The following N4BP2 variants were observed in gnomAD, a reference collection of about 807,000 sequenced individuals.
N4BP2 encodes the protein NEDD4-binding protein 2.
Under a neutral mutation model 152.8 loss-of-function variants are expected in N4BP2, and 91 were observed. That is an observed-to-expected ratio of 0.60 (90% confidence interval 0.50 to 0.71). The LOEUF is 0.71. Ranked by LOEUF, N4BP2 falls within the 30% of genes least tolerant of loss-of-function variation. The probability of loss-of-function intolerance (pLI) is 0.00; values close to 1 mark genes in which losing one functional copy is unlikely to be tolerated. For synonymous variants in N4BP2, 646 were observed against 705.3 expected, an observed-to-expected ratio of 0.92 and a Z score of 1.33; for missense variants, 1,923 against 2,059.1, an observed-to-expected ratio of 0.93 and a Z score of 1.28.
intron 2 of N4BP2, among the ~76,000 whole-genome samples, chr4:40,078,541 T>C (rs1713019122): frequency 6.6e-6 from 1 of 151,838 alleles, no homozygotes; most frequent in Admixed American, 6.6e-5. Flanking sequence ...CTTTTTTTCT[T>C]TGAGTCAGGG....
At chr4:40,074,442 C>G (rs1033569714) in intron 2 of N4BP2, among the ~76,000 whole-genome samples, 6 of 151,838 alleles carry the variant, frequency 4.0e-5, no homozygotes, top group Non-Finnish European at 8.8e-5. Flanking sequence ...CTCCTTGGCT[C>G]AAGTGATCCG....
intron 16 of N4BP2, among the ~76,000 whole-genome samples, chr4:40,145,048 C>T (rs986891451): frequency 3.9e-5 from 6 of 152,086 alleles, no homozygotes; most frequent in South Asian, 2.1e-4. Context: ...GTGTAATCTG[C>T]GAATCCTCTC....
chr4:40,151,154 A>G (rs1721120104), intron 16 of N4BP2, among the ~76,000 whole-genome samples: 1 of 152,274 alleles, frequency 6.6e-6, no homozygotes, highest in South Asian at 2.1e-4. Flanking sequence ...GAATATTTTC[A>G]GAGCAATAAG....
chr4:40,081,240 A>G (rs760411951), intron 2 of N4BP2, among the ~76,000 whole-genome samples: 3 of 152,158 alleles, frequency 2.0e-5, no homozygotes, highest in East Asian at 3.8e-4. Flanking sequence ...CTATGATTCT[A>G]TTATCCAGAG....
intron 1 of N4BP2, among the ~76,000 whole-genome samples, chr4:40,066,320 CTTT>C (rs11384930): frequency 6.2e-5 from 8 of 129,062 alleles, no homozygotes; most frequent in South Asian, 2.5e-4. Flanking sequence ...GTGATTTTCC[CTTT>C]TTTTTTTTTT....
intron 1 of N4BP2, among the ~76,000 whole-genome samples, chr4:40,057,412 C>G (rs568675654): frequency 7.9e-5 from 12 of 152,372 alleles, no homozygotes; most frequent in Non-Finnish European, 1.2e-4. Context: ...ACCTTGCGCC[C>G]CTCCAGGCGC....
intron 2 of N4BP2, among the ~76,000 whole-genome samples, chr4:40,093,758 G>A (rs922733550): frequency 3.2e-4 from 49 of 151,934 alleles, no homozygotes; most frequent in African/African-American, 1.1e-3. Context: ...GCGTGCCAGC[G>A]CTCCTGGCTA....
chr4:40,080,358 T>A (rs908934719), intron 2 of N4BP2, among the ~76,000 whole-genome samples: 24 of 149,022 alleles, frequency 1.6e-4, no homozygotes, highest in Non-Finnish European at 7.4e-5. Flanking sequence ...ATATATAATT[T>A]TTTTTTTTTG....
chr4:40,124,595 C>A (rs373333208), intron 11 of N4BP2, among the ~76,000 whole-genome samples: 1 of 152,148 alleles, frequency 6.6e-6, no homozygotes, highest in South Asian at 2.1e-4. Context: ...GATCTGCCCA[C>A]CTTGGCCTCC....
chr4:40,134,919 C>CTT (rs1560630394), intron 13 of N4BP2, among the ~76,000 whole-genome samples: 10 of 93,156 alleles, frequency 1.1e-4, no homozygotes, highest in African/African-American at 2.3e-4. Flanking sequence ...CTCTCTCTCT[C>CTT]TCTTTCTTTC....
chr4:40,121,931 A>G lies in N4BP2; in HGVS notation c.3820A>G (p.Thr1274Ala), dbSNP rs1321293191. ...AGAAAAAAACCTAGTAGTCACAGAG[A>G]CTGGAGACAACATACATTCTCCTTC... ...ETEKNLVVTE[T>A]GDNIHSPSHF... Residue 1274 changes from threonine to alanine, a missense_variant, in exon 9 of 18, where the codon ACT becomes GCT. By Grantham distance (58) the Thr-to-Ala change is moderately conservative. Transcript: ENST00000261435. 6.3e-7 allele frequency: 1 copy of G among 1,584,736 alleles called. No individual in the cohort carries two copies. The highest frequency in any genetic ancestry group is 1.9e-5 in the Admixed American group (1 of 51,458).
rs1188927982 is a variant in N4BP2 at position 40,122,121 on chromosome 4, A to G, written c.4010A>G (p.Glu1337Gly). ...GAATTTATGAATGAAGATGAGAAGGAAATGAAGGAAATTCTAATGGCAGGA... is the reference window on the plus strand; with the variant it reads ...GAATTTATGAATGAAGATGAGAAGGGAATGAAGGAAATTCTAATGGCAGGA... ...EEEFMNEDEK[E>G]MKEILMAGSS... The change falls in exon 9 of 18, where the codon GAA (glutamate) becomes GGA (glycine). Residue 1337 changes from glutamate to glycine, a missense_variant. Coordinates refer to ENST00000261435, the MANE Select transcript of N4BP2 (RefSeq NM_018177.6). The G allele has an allele frequency of 6.3e-7, 1 of 1,598,560 alleles. No homozygotes were observed. Among genetic ancestry groups the G allele is most frequent in the Non-Finnish European group, 8.5e-7 (1 of 1,170,100 alleles).
chr4:40,170,768 T>C, the N4BP2 span, among the ~76,000 whole-genome samples: 2 of 152,250 alleles, frequency 1.3e-5, no homozygotes, highest in African/African-American at 2.4e-5. Context: ...TCATTTCCTG[T>C]TCAATAGCTC....
chr4:40,162,303 A>C (rs1579180413), downstream of N4BP2, among the ~76,000 whole-genome samples: 1 of 152,100 alleles, frequency 6.6e-6, no homozygotes, highest in African/African-American at 2.4e-5. Context: ...GGAGTTCAAA[A>C]CCAGCCTGGC....
chr4:40,093,354 C>G (rs1443070954), intron 2 of N4BP2, among the ~76,000 whole-genome samples: 1 of 152,072 alleles, frequency 6.6e-6, no homozygotes, highest in African/African-American at 2.4e-5. Context: ...GACTTCTTTT[C>G]TAATGTATGC....
In N4BP2 at chr4:40,157,208, T is replaced by C. The variant is rs557308911; in HGVS notation, c.*2971T>C. On this transcript the variant is annotated 3_prime_UTR_variant, in exon 18 of 18. Transcript: ENST00000261435. The stretch of plus-strand genomic sequence containing the variant: ...ATTCCAATGTGAGAAATGGAAGTGT[T>C]TTTTTTTTTACGTTTATTGGCTCTT... The C allele has an allele frequency of 6.6e-6, 1 of 150,488 alleles. No individual in the cohort carries two copies. Among genetic ancestry groups the C allele is most frequent in the Non-Finnish European group, 1.5e-5 (1 of 67,464 alleles). 9.3% of individuals were successfully genotyped at this position (150,488 alleles called of 1,614,324 possible).
At chr4:40,104,813 T>G (rs1380423402) in intron 4 of N4BP2, among the ~76,000 whole-genome samples, 1 of 150,952 alleles carries the variant, frequency 6.6e-6, no homozygotes, top group Non-Finnish European at 1.5e-5. Flanking sequence ...TTGTCTTTTT[T>G]TTTTTTTTGG....
intron 8 of N4BP2, among the ~76,000 whole-genome samples, chr4:40,119,277 G>A (rs1706034): frequency 0.68 from 102,794 of 151,938 alleles, 35,437 homozygotes; most frequent in South Asian, 0.77. Flanking sequence ...GGCATCCTGC[G>A]AGAGTTGGGA....
intron 6 of N4BP2, among the ~76,000 whole-genome samples, chr4:40,112,549 TC>T (rs1342522221): frequency 6.6e-6 from 1 of 152,192 alleles, no homozygotes; most frequent in Non-Finnish European, 1.5e-5. Context: ...TCCCTAAATT[TC>T]TTTTGAAATT....
Sources: allele counts gnomAD v4.1 joint callset (sites outside exome capture counted in the v4.1 genomes callset), GRCh38; gene constraint gnomAD v4.1.1; transcripts MANE v1.5; gene names NCBI Gene and HGNC (gene_info 2026-07-23, HGNC 2026-07-21).